TBX19: variants seen among roughly 807,000 people sequenced by gnomAD.
The protein encoded by TBX19 is T-box transcription factor TBX19.
In TBX19, 33 loss-of-function variants were observed where a neutral mutation model predicts 40.9. The observed-to-expected ratio is 0.81, with a 90% CI of 0.61 to 1.08. TBX19 has a LOEUF of 1.08. TBX19 is among the 50% of genes least tolerant of loss of function. TBX19 has a pLI of 0.00. For synonymous variants in TBX19, 220 were observed against 225.0 expected (o/e 0.98, Z 0.20); for missense variants, 494 against 574.0 (o/e 0.86, Z 1.42).
chr1:168,293,046 G>T, intron 2 of TBX19, 98 bp from the exon 3 acceptor site: 1 of 1,591,354 alleles, frequency 6.3e-7, no homozygotes. Flanking sequence ...AACCGGGGTG[G>T]TGCTAAGCTT....
At position 168,300,406 on chromosome 1, in the gene TBX19, T is replaced by G. The variant is rs1649247347; in HGVS notation, c.666-16T>G. ...AAAAGTTGGACAGCCATGGTGCATT[T>G]TCTTTACTCTTTCAGAAATCACCTA... On this transcript the variant is annotated splice_polypyrimidine_tract_variant and intron_variant, in intron 4 of 7. Coordinates refer to ENST00000367821, the MANE Select transcript of TBX19 (RefSeq NM_005149.3). 6.2e-7 allele frequency: 1 copy of G among 1,613,910 alleles called. No individual in the cohort carries two copies. Among genetic ancestry groups the G allele is most frequent in the East Asian group, 2.2e-5 (1 of 44,874 alleles).
chr1:168,288,274 A>AT (rs200936552), intron 1 of TBX19, among the ~76,000 whole-genome samples: 76 of 86,870 alleles, frequency 8.7e-4, no homozygotes, highest in South Asian at 7.2e-3. Context: ...GTTATGCCAT[A>AT]TTTTTTTTTT....
At chr1:168,293,358 G>GC in intron 3 of TBX19, 80 bp downstream of exon 3, 9 of 1,490,312 alleles carry the variant, frequency 6.0e-6, no homozygotes, top group Non-Finnish European at 8.1e-6. Context: ...GGCAGGATGG[G>GC]CGGGGGGGGT....
In TBX19 at chr1:168,295,983, C is replaced by T. The variant is rs141730848; in HGVS notation, c.604-1741C>T. On this transcript the variant is annotated intron_variant, in intron 3 of 7. Transcript: ENST00000367821. ...ATTTTTGACCCATCCAGCAATCTCC[C>T]GGCCTGACTCGCTACTCCTGGGTCT... 6.2e-3 allele frequency among the ~76,000 whole-genome samples: 948 copies of T among 152,252 alleles called. 12 individuals are homozygous for T. Among genetic ancestry groups the T allele is most frequent in the African/African-American group, 0.021 (857 of 41,542 alleles).
At chr1:168,296,586 C>A (rs978455185) in intron 3 of TBX19, among the ~76,000 whole-genome samples, 1 of 152,052 alleles carries the variant, frequency 6.6e-6, no homozygotes, top group Non-Finnish European at 1.5e-5. Context: ...CCACCGGGAC[C>A]GTCCCACAAC....
intron 5 of TBX19, among the ~76,000 whole-genome samples, chr1:168,303,894 G>C (rs1649341239): frequency 6.6e-6 from 1 of 152,168 alleles, no homozygotes; most frequent in African/African-American, 2.4e-5. Context: ...CTAGCAGTGA[G>C]GATAACCAGA....
Position 168,313,431 on chromosome 1 carries a change from G to T in TBX19, c.*429G>T. On this transcript the variant is annotated 3_prime_UTR_variant, in exon 8 of 8. Transcript: ENST00000367821. ...GCCTGGAAAGTATGTGTGGCCACAG[G>T]GCTCAGGTTCACACTTCTGCTTTGA... 3.7e-6 allele frequency: 1 copy of T among 268,130 alleles called. No individual in the cohort carries two copies. Among genetic ancestry groups the T allele is most frequent in the East Asian group, 9.8e-5 (1 of 10,188 alleles). 16.6% of individuals were successfully genotyped at this position (268,130 alleles called of 1,614,324 possible). A position where few individuals can be genotyped will look rare whatever the true frequency, so the allele number is the denominator to read the frequency against.
At chr1:168,297,314 C>G (rs1649137091) in intron 3 of TBX19, among the ~76,000 whole-genome samples, 1 of 152,090 alleles carries the variant, frequency 6.6e-6, no homozygotes, top group Non-Finnish European at 1.5e-5. Context: ...CCACTGTGTA[C>G]CAAGTAACTA....
At chr1:168,311,147 AAG>A (rs1279409964) in intron 7 of TBX19, among the ~76,000 whole-genome samples, 1 of 151,940 alleles carries the variant, frequency 6.6e-6, no homozygotes, top group Non-Finnish European at 1.5e-5. Flanking sequence ...GGAAGTGAGA[AAG>A]AGAGTGAAGA....
At chr1:168,294,487 C>T (rs1254216204) in intron 3 of TBX19, among the ~76,000 whole-genome samples, 2 of 151,788 alleles carry the variant, frequency 1.3e-5, no homozygotes, top group African/African-American at 4.8e-5. Context: ...GCACCTGCCA[C>T]CACGCCTGGC....
At chr1:168,309,014 G>A in intron 7 of TBX19, 137 bp downstream of exon 7, 2 of 1,235,068 alleles carry the variant, frequency 1.6e-6, no homozygotes, top group Non-Finnish European at 1.2e-6. Flanking sequence ...AAGAAGTCAA[G>A]GTGGCAACAG....
intron 1 of TBX19, among the ~76,000 whole-genome samples, chr1:168,285,144 T>G (rs1001409956): frequency 3.3e-5 from 5 of 152,128 alleles, no homozygotes; most frequent in Non-Finnish European, 7.4e-5. Context: ...CAGGCCACCT[T>G]GCTTCCCTAA....
Position 168,286,732 on chromosome 1 carries a change from G to A in TBX19, c.204-4428G>A, listed in dbSNP as rs556869664. Among the ~76,000 whole-genome samples the A allele has an allele frequency of 7.2e-5, 11 of 152,200 alleles. No homozygotes were observed. The South Asian group carries it at 2.1e-3, about 29-fold the overall frequency. On this transcript the variant is annotated intron_variant, in intron 1 of 7. Coordinates refer to ENST00000367821, the MANE Select transcript of TBX19 (RefSeq NM_005149.3). ...ATGGAGCTATGTTTTCATTTTTCTT[G>A]TGTATATACCTAGGAGTGGAATTGC...
chr1:168,313,025 G>A lies in TBX19; in HGVS notation c.*23G>A. On this transcript the variant is annotated 3_prime_UTR_variant, in exon 8 of 8. Coordinates refer to ENST00000367821, the MANE Select transcript of TBX19 (RefSeq NM_005149.3). ...TAAGCAGGATCCTAGGAGCCTCTTT[G>A]CACAGCGATCCTTCCATGTGTAGAG... The A allele has an allele frequency of 1.9e-6, 3 of 1,613,698 alleles. No individual in the cohort carries two copies. The highest frequency in any genetic ancestry group is 2.5e-6 in the Non-Finnish European group (3 of 1,179,772).
At position 168,312,748 on chromosome 1, in the gene TBX19, G is replaced by A; in HGVS notation, c.1093G>A (p.Gly365Ser). Residue 365 changes from glycine to serine, a missense_variant, in exon 8 of 8, where the codon GGC becomes AGC. Physicochemically the swap from Gly to Ser is moderately conservative, Grantham distance 56. Transcript: ENST00000367821. ...CLWTISNGAG[G>S]PSGPGPEVHA... ...GTGGACCATCAGCAATGGTGCCGGA[G>A]GCCCCAGTGGGCCAGGCCCGGAGGT... The A allele has an allele frequency of 6.2e-7, 1 of 1,614,078 alleles. No homozygotes were observed.
chr1:168,289,922 G>C (rs754032594), intron 1 of TBX19, among the ~76,000 whole-genome samples: 19 of 152,162 alleles, frequency 1.2e-4, no homozygotes, highest in Admixed American at 6.5e-5. Flanking sequence ...GGCCAAGCAT[G>C]GTGGCTCACA....
chr1:168,298,391 A>G (rs938315992), intron 4 of TBX19, among the ~76,000 whole-genome samples: 1 of 151,978 alleles, frequency 6.6e-6, no homozygotes, highest in African/African-American at 2.4e-5. Context: ...ATTTAGATTT[A>G]TAATAATTCA....
chr1:168,291,567 A>G (rs772007011), intron 2 of TBX19, 143 bp downstream of exon 2: 24 of 1,170,532 alleles, frequency 2.1e-5, no homozygotes, highest in Non-Finnish European at 2.7e-5. Flanking sequence ...CCGGGAGTCC[A>G]AATGTAAACA....
intron 6 of TBX19, 159 bp from the exon 7 acceptor site, chr1:168,308,583 C>T (rs376175238): frequency 1.6e-5 from 14 of 892,820 alleles, no homozygotes; most frequent in African/African-American, 3.3e-5. Context: ...AGGAAACCCA[C>T]GTTTCTTTTT....
Sources: allele counts gnomAD v4.1 joint callset (sites outside exome capture counted in the v4.1 genomes callset), GRCh38; gene constraint gnomAD v4.1.1; transcripts MANE v1.5; gene names NCBI Gene and HGNC (gene_info 2026-07-23, HGNC 2026-07-21).